Variants in RBFOX1 observed in about 807,000 individuals in gnomAD.
RBFOX1 encodes RNA binding protein fox-1 homolog 1.
In RBFOX1, 8 loss-of-function variants were observed where a neutral mutation model predicts 57.7. That is an observed-to-expected ratio of 0.14 (90% CI 0.08 to 0.25). RBFOX1 has a LOEUF of 0.25. RBFOX1 is among the 10% of genes least tolerant of loss of function. The probability of loss-of-function intolerance (pLI) is 1.00; values close to 1 mark genes in which losing one functional copy is unlikely to be tolerated. For missense variants in RBFOX1, 611 were observed against 548.5 expected, an observed-to-expected ratio of 1.11 and a Z score of -1.14; for synonymous variants, 326 against 222.4, an observed-to-expected ratio of 1.47 and a Z score of -4.15.
chr16:6,811,177 G>A (rs1016305940), intron 3 of RBFOX1, among the ~76,000 whole-genome samples: 8 of 152,162 alleles, frequency 5.3e-5, no homozygotes, highest in African/African-American at 1.9e-4. Flanking sequence ...AGTGATATGA[G>A]AGTTTGGAAA....
At chr16:6,106,917 C>T (rs1462798797) in intron 1 of RBFOX1, among the ~76,000 whole-genome samples, 3 of 152,082 alleles carry the variant, frequency 2.0e-5, no homozygotes, top group Non-Finnish European at 2.9e-5. Flanking sequence ...GTGATCTGCC[C>T]TCCTTGGCCT....
chr16:7,153,187 C>A (rs2076418854), intron 4 of RBFOX1, among the ~76,000 whole-genome samples: 1 of 111,426 alleles, frequency 9.0e-6, no homozygotes, highest in Non-Finnish European at 1.8e-5. Flanking sequence ...CACTGGTGGA[C>A]ATAATCATTT....
At chr16:7,071,856 T>A (rs1207600972) in intron 4 of RBFOX1, among the ~76,000 whole-genome samples, 1 of 152,100 alleles carries the variant, frequency 6.6e-6, no homozygotes, top group Non-Finnish European at 1.5e-5. Context: ...TCCCTTATCA[T>A]GTCTTTTTAC....
In RBFOX1 at chr16:5,554,650, C is replaced by A. The variant is rs150942908; in HGVS notation, c.259-44252C>A. On this transcript the variant is annotated intron_variant, in intron 2 of 2. Coordinates refer to the RBFOX1 transcript ENST00000585867. Reference sequence around the variant, plus strand: ...TCTTGGGGCCGTGATTCTGCACTTACACAAATTTAAGACAAATGAATTGGT... The same window carrying A: ...TCTTGGGGCCGTGATTCTGCACTTAAACAAATTTAAGACAAATGAATTGGT... 1.0e-3 allele frequency among the ~76,000 whole-genome samples: 152 copies of A among 152,218 alleles called. 1 individual carries two copies. In the Middle Eastern group the frequency reaches 0.014, roughly 14 times the overall value.
chr16:7,218,165 C>T (rs146942235), intron 4 of RBFOX1, among the ~76,000 whole-genome samples: 1 of 152,110 alleles, frequency 6.6e-6, no homozygotes, highest in Non-Finnish European at 1.5e-5. Flanking sequence ...CTTTCTAACC[C>T]TATGATCCTT....
At chr16:6,169,611 G>T (rs1474642587) in intron 1 of RBFOX1, among the ~76,000 whole-genome samples, 1 of 152,182 alleles carries the variant, frequency 6.6e-6, no homozygotes, top group Non-Finnish European at 1.5e-5. Flanking sequence ...GAAATTAGAA[G>T]TGAGGTACAG....
intron 4 of RBFOX1, among the ~76,000 whole-genome samples, chr16:7,433,402 G>T (rs1266544752): frequency 2.6e-5 from 4 of 152,146 alleles, no homozygotes; most frequent in Admixed American, 1.3e-4. Flanking sequence ...ACATGGCATG[G>T]CCTTTGTTCT....
chr16:7,072,608 T>C (rs906370153), intron 4 of RBFOX1, among the ~76,000 whole-genome samples: 14 of 152,266 alleles, frequency 9.2e-5, no homozygotes, highest in Non-Finnish European at 1.5e-5. Context: ...AAGATAACCG[T>C]TATTCTAGAA....
intron 4 of RBFOX1, among the ~76,000 whole-genome samples, chr16:7,170,483 C>T (rs535408997): frequency 2.0e-5 from 3 of 152,034 alleles, no homozygotes; most frequent in Non-Finnish European, 4.4e-5. Context: ...GGCGTGTTGC[C>T]CATATTGGTC....
Position 5,303,385 on chromosome 16 carries a change from G to C in RBFOX1, c.219+63280G>C, listed in dbSNP as rs531030596. On this transcript the variant is annotated intron_variant, in intron 1 of 2. Coordinates refer to the RBFOX1 transcript ENST00000585867. ...CATCTGCAGTAAATGCTAGTCTTTT[G>C]GAGTCTGTATTTCAGTTCCACGGTC... Among the ~76,000 whole-genome samples, 3 of 152,274 alleles carry C rather than the reference G, an allele frequency of 2.0e-5. No individual in the cohort carries two copies. The South Asian group carries it at 6.2e-4, about 32-fold the overall frequency.
At chr16:6,869,930 T>TC (rs1381849988) in intron 3 of RBFOX1, among the ~76,000 whole-genome samples, 1 of 152,186 alleles carries the variant, frequency 6.6e-6, no homozygotes, top group African/African-American at 2.4e-5. Flanking sequence ...TTATATCATC[T>TC]CAGCGTCTTG....
chr16:6,739,325 T>C (rs2071357253), intron 3 of RBFOX1, among the ~76,000 whole-genome samples: 1 of 151,872 alleles, frequency 6.6e-6, no homozygotes, highest in Admixed American at 6.6e-5. Context: ...AAAAGGATAA[T>C]AAGAGAGTAC....
intron 4 of RBFOX1, among the ~76,000 whole-genome samples, chr16:7,131,998 CTTTTT>C (rs34879688): frequency 1.6e-5 from 2 of 123,838 alleles, no homozygotes; most frequent in Non-Finnish European, 1.7e-5. Flanking sequence ...TTTTTTCTTT[CTTTTT>C]TTTTTTTTTT....
intron 4 of RBFOX1, among the ~76,000 whole-genome samples, chr16:6,001,483 C>T (rs2060599076): frequency 6.6e-6 from 1 of 152,138 alleles, no homozygotes; most frequent in Non-Finnish European, 1.5e-5. Context: ...TCCTCTGGAG[C>T]AGCAGAATTG....
chr16:7,559,638 C>G (rs570189670), intron 5 of RBFOX1, among the ~76,000 whole-genome samples: 38 of 152,280 alleles, frequency 2.5e-4, no homozygotes, highest in African/African-American at 8.4e-4. Flanking sequence ...TTGTGCTTTC[C>G]AAGGTGGATA....
At position 7,641,641 on chromosome 16, in the gene RBFOX1, T is replaced by C. The variant is rs116866705; in HGVS notation, c.757+10958T>C. Reference sequence around the variant, plus strand: ...ATTTGCTACAGGAGTCTCAAACATTTCCAGAAGATCATTTTTCCTTTCTCT... The same window carrying C: ...ATTTGCTACAGGAGTCTCAAACATTCCCAGAAGATCATTTTTCCTTTCTCT... On this transcript the variant is annotated intron_variant, in intron 11 of 15. Coordinates refer to ENST00000550418, the MANE Select transcript of RBFOX1 (RefSeq NM_018723.4). 6.5e-4 allele frequency among the ~76,000 whole-genome samples: 99 copies of C among 152,340 alleles called. 2 individuals are homozygous for C. The East Asian group carries it at 0.018, about 28-fold the overall frequency.
chr16:6,568,644 G>A (rs922676637), intron 2 of RBFOX1, among the ~76,000 whole-genome samples: 1 of 152,138 alleles, frequency 6.6e-6, no homozygotes, highest in Non-Finnish European at 1.5e-5. Context: ...ATCTTATTCT[G>A]ATTCTCAGAA....
intron 3 of RBFOX1, among the ~76,000 whole-genome samples, chr16:5,654,981 T>G (rs2049377904): frequency 1.3e-5 from 2 of 152,262 alleles, no homozygotes; most frequent in East Asian, 3.9e-4. Context: ...TGCTTTGGAT[T>G]ATACGTTGCA....
chr16:6,582,404 A>G (rs1236065941), intron 2 of RBFOX1, among the ~76,000 whole-genome samples: 1 of 152,106 alleles, frequency 6.6e-6, no homozygotes, highest in Non-Finnish European at 1.5e-5. Context: ...TGCATTTTGG[A>G]GAAATATAAT....
Sources: gnomAD v4.1 joint callset for allele counts (sites outside exome capture counted in the v4.1 genomes callset) on GRCh38, gnomAD v4.1.1 for gene constraint, MANE v1.5 for transcripts, NCBI Gene and HGNC (gene_info 2026-07-23, HGNC 2026-07-21) for gene names.